Variants in ZFP69 observed in about 807,000 individuals in gnomAD.
The protein encoded by ZFP69 is zinc finger protein 69 homolog.
In ZFP69, 35 loss-of-function variants were observed where a neutral mutation model predicts 48.9. The observed-to-expected ratio is 0.72, with a 90% CI of 0.55 to 0.95. ZFP69 has a LOEUF of 0.95. ZFP69 is among the 40% of genes least tolerant of loss of function. The pLI is 0.00. For missense variants in ZFP69, 557 were observed against 638.4 expected (o/e 0.87, Z 1.37); for synonymous variants, 193 against 216.8 (o/e 0.89, Z 0.96).
chr1:40,483,193 C>T (rs977648347), intron 3 of ZFP69, among the ~76,000 whole-genome samples: 2 of 146,388 alleles, frequency 1.4e-5, no homozygotes, highest in African/African-American at 2.5e-5. Flanking sequence ...CATTATGTTA[C>T]ATATGTCAAA....
chr1:40,494,804 C>A, intron 5 of ZFP69, 117 bp from the exon 6 acceptor site: 1 of 865,616 alleles, frequency 1.2e-6, no homozygotes. Flanking sequence ...CTCCAAGCAG[C>A]ATAATCATAT....
intron 5 of ZFP69, chr1:40,491,150 T>C (rs1490860326): frequency 6.6e-6 from 1 of 152,272 alleles, no homozygotes; most frequent in African/African-American, 2.4e-5. Context: ...AAATGGTATA[T>C]ATACTTCTTC....
Position 40,495,103 on chromosome 1 carries a change from G to A in ZFP69, c.625G>A (p.Val209Met). Reference sequence around the variant, plus strand: ...GCACCAGGAAACTTGTATGAGAGATGTGAGACAAGCCATCTTGACCCATAA... The same window carrying A: ...GCACCAGGAAACTTGTATGAGAGATATGAGACAAGCCATCTTGACCCATAA... The part of the protein sequence containing the change: ...ERHQETCMRD[V>M]RQAILTHKKR... The change falls in exon 6 of 6, where the codon GTG becomes ATG. Residue 209 changes from valine to methionine, a missense_variant. Val to Met is a conservative substitution (Grantham distance 21). Transcript: ENST00000372706. The A allele has an allele frequency of 1.2e-6, 2 of 1,614,080 alleles. No homozygotes were observed. Among genetic ancestry groups the A allele is most frequent in the Non-Finnish European group, 1.7e-6 (2 of 1,180,008 alleles).
At chr1:40,488,040 CAAAA>C (rs559767416) in intron 3 of ZFP69, among the ~76,000 whole-genome samples, 1 of 63,900 alleles carries the variant, frequency 1.6e-5, no homozygotes, top group Non-Finnish European at 3.3e-5. Flanking sequence ...GACTCTGTCT[CAAAA>C]AAAAAAAAAA....
intron 3 of ZFP69, among the ~76,000 whole-genome samples, chr1:40,487,816 G>A (rs1227034244): frequency 6.6e-6 from 1 of 152,170 alleles, no homozygotes; most frequent in Non-Finnish European, 1.5e-5. Flanking sequence ...GGAGGCTGAG[G>A]TGGGCGAATC....
chr1:40,491,579 C>T (rs1170897148), intron 5 of ZFP69, among the ~76,000 whole-genome samples: 1 of 152,106 alleles, frequency 6.6e-6, no homozygotes, highest in Non-Finnish European at 1.5e-5. Context: ...TATCTTGTTT[C>T]TTTCATTTTC....
Position 40,494,255 on chromosome 1 carries a change from A to ATTTTTTTTT in ZFP69, c.443-666_443-665insTTTTTTTTT, listed in dbSNP as rs1645598717. 8.4e-4 allele frequency among the ~76,000 whole-genome samples: 104 copies of ATTTTTTTTT among 123,846 alleles called. 6 individuals carry two copies. The highest frequency in any genetic ancestry group is 2.0e-3 in the African/African-American group (63 of 31,584). The allele number at this position is 123,846 out of a possible 152,430, so 81.2% of individuals were successfully genotyped here. Reference sequence around the variant, plus strand: ...ATTAGAGCAGGACTAAAAGATTCAAAATTTTTTTTTTTTTTTTTTTTTTTT... The same window carrying ATTTTTTTTT: ...ATTAGAGCAGGACTAAAAGATTCAAATTTTTTTTTATTTTTTTTTTTTTTTTTTTTTTTT... On this transcript the variant is annotated intron_variant, in intron 5 of 5. Transcript: ENST00000372706.
chr1:40,489,569 G>A lies in ZFP69; in HGVS notation c.387G>A (p.Glu129=). 1 of 1,613,722 alleles carries A rather than the reference G, an allele frequency of 6.2e-7. No homozygotes were observed. The highest frequency in any genetic ancestry group is 1.1e-5 in the South Asian group (1 of 91,060). Residue 129 remains glutamate (E), a synonymous_variant, in exon 5 of 6, where the codon GAG becomes GAA. Transcript: ENST00000372706. ...AACCTAGTGTGATATCCCAGTTAGAGAAAGGAGAAGAGCCATGGATGGCAG... is the reference window on the plus strand; with the variant it reads ...AACCTAGTGTGATATCCCAGTTAGAAAAAGGAGAAGAGCCATGGATGGCAG... ...LSKPSVISQL[E]KGEEPWMAEK...
chr1:40,489,451 C>A, intron 4 of ZFP69, 78 bp from the exon 5 acceptor site: 1 of 1,356,896 alleles, frequency 7.4e-7, no homozygotes, highest in Admixed American at 2.2e-5. Context: ...CCCTGAATAC[C>A]AGAAGACTCA....
chr1:40,483,160 G>A (rs1178261462), intron 3 of ZFP69, among the ~76,000 whole-genome samples: 1 of 151,030 alleles, frequency 6.6e-6, no homozygotes, highest in Non-Finnish European at 1.5e-5. Flanking sequence ...CTGAGATGGT[G>A]GAAATGTTCT....
In ZFP69 at chr1:40,489,110, T is replaced by TATC. The variant is rs761647691; in HGVS notation, c.243_245dup (p.Ser82dup). On this transcript the variant is annotated inframe_insertion, in exon 4 of 6. Transcript: ENST00000372706. ...TAGGAATTGTTGACTTTCAAGGACA[T>TATC]ATCTATTGACTTCACCCAGGAAGAG... 1 of 1,614,162 alleles carries TATC rather than the reference T, an allele frequency of 6.2e-7. No homozygotes were observed. The highest frequency in any genetic ancestry group is 8.5e-7 in the Non-Finnish European group (1 of 1,180,016).
intron 3 of ZFP69, among the ~76,000 whole-genome samples, chr1:40,486,076 T>C (rs1045440796): frequency 2.6e-5 from 4 of 151,892 alleles, no homozygotes; most frequent in Admixed American, 6.6e-5. Flanking sequence ...CCTTATTTTA[T>C]TTTATTTTAT....
intron 1 of ZFP69, among the ~76,000 whole-genome samples, chr1:40,478,122 T>TCACACACACACACACACACACA (rs5773698): frequency 1.4e-4 from 20 of 147,254 alleles, no homozygotes; most frequent in African/African-American, 4.2e-4. Flanking sequence ...CTGCATATAG[T>TCACACACACACACACACACACA]CACACACACA....
At position 40,477,709 on chromosome 1, in the gene ZFP69, C is replaced by T. The variant is rs2124435763; in HGVS notation, c.-512C>T. The T allele has an allele frequency of 6.6e-6, 1 of 152,158 alleles. No homozygotes were observed. The highest frequency in any genetic ancestry group is 2.1e-4 in the South Asian group (1 of 4,820). 9.4% of individuals were successfully genotyped at this position (152,158 alleles called of 1,614,324 possible). On this transcript the variant is annotated 5_prime_UTR_variant, in exon 1 of 6. Transcript: ENST00000372706. The surrounding 1 kb of genome is among the most constrained non-coding windows in gnomAD (Gnocchi z 4.0). The stretch of plus-strand genomic sequence containing the variant: ...CTTCCGAAGGAAGCCGACCTCAACG[C>T]TGGACGCTTCTTGGAGAATGATTGC...
intron 1 of ZFP69, among the ~76,000 whole-genome samples, chr1:40,478,335 T>A (rs998982585): frequency 2.6e-5 from 4 of 152,166 alleles, no homozygotes; most frequent in Non-Finnish European, 4.4e-5. Flanking sequence ...ATTTGCCTAT[T>A]ACTATTCTGC....
chr1:40,495,024 T>C lies in ZFP69; in HGVS notation c.546T>C (p.Asp182=). ...TGATGGAAAGTTTCATGAGGGATGA[T>C]ATAATTTATTCCACGTTGAGAAAAG... The part of the protein sequence containing the change: ...GIMMESFMRD[D]IIYSTLRKVS... Residue 182 remains aspartate, a synonymous_variant, in exon 6 of 6, where the codon GAT becomes GAC. Transcript: ENST00000372706. 6.2e-7 allele frequency: 1 copy of C among 1,614,038 alleles called. No homozygotes were observed. Among genetic ancestry groups the C allele is most frequent in the Non-Finnish European group, 8.5e-7 (1 of 1,180,000 alleles).
intron 3 of ZFP69, among the ~76,000 whole-genome samples, chr1:40,488,366 T>G (rs1315984586): frequency 1.3e-5 from 2 of 152,234 alleles, no homozygotes; most frequent in Non-Finnish European, 2.9e-5. Context: ...TTTCTTTTTA[T>G]CTTTTTGGCA....
At position 40,479,310 on chromosome 1, in the gene ZFP69, G is replaced by A; in HGVS notation, c.-52G>A. 2 of 1,609,344 alleles carry A rather than the reference G, an allele frequency of 1.2e-6. No individual in the cohort carries two copies. Among genetic ancestry groups the A allele is most frequent in the Non-Finnish European group, 1.7e-6 (2 of 1,177,804 alleles). On this transcript the variant is annotated 5_prime_UTR_variant, in exon 2 of 6. Transcript: ENST00000372706. ...ACAACTGTGAAGCGTCTCATCAAGA[G>A]CTTCTGGCAATTTCCTCACCAGAAG... is the stretch of plus-strand genomic sequence containing the variant.
chr1:40,495,548 GTGAT>G lies in ZFP69; in HGVS notation c.1071_1074del (p.Cys357Ter). On this transcript the variant is annotated frameshift_variant, in exon 6 of 6. Coordinates refer to ENST00000372706, the MANE Select transcript of ZFP69 (RefSeq NM_001320179.2). LOFTEE classifies it high-confidence loss of function. Reference sequence around the variant, plus strand: ...CACACTGGGGAGAAACCCTATGTATGTGATAAATGTCAGAAAGCTTTCAGCCAGA... The same window carrying G: ...CACACTGGGGAGAAACCCTATGTATGAAATGTCAGAAAGCTTTCAGCCAGA... 1 of 1,614,198 alleles carries G rather than the reference GTGAT, an allele frequency of 6.2e-7. No individual in the cohort carries two copies. Among genetic ancestry groups the G allele is most frequent in the Non-Finnish European group, 8.5e-7 (1 of 1,180,028 alleles).
Sources: allele counts gnomAD v4.1 joint callset (sites outside exome capture counted in the v4.1 genomes callset), GRCh38; gene constraint gnomAD v4.1.1; non-coding constraint Gnocchi (gnomAD v3.1); transcripts MANE v1.5; gene names NCBI Gene and HGNC (gene_info 2026-07-23, HGNC 2026-07-21).